The following DNM3 variants were observed in gnomAD, a reference collection of about 807,000 sequenced individuals.
The protein encoded by DNM3 is dynamin 3, also known as dynamin-3.
DNM3 carries 47 observed loss-of-function variants against 101.6 expected under a neutral mutation model. That is an observed-to-expected ratio of 0.46 (90% confidence interval 0.37 to 0.59). The LOEUF is 0.59. Among genes scored for constraint, DNM3 ranks in the 20% least tolerant of loss-of-function variants. The pLI is 0.00. For synonymous variants in DNM3, 385 were observed against 387.9 expected (o/e 0.99, Z 0.09); for missense variants, 849 against 1,085.7 (o/e 0.78, Z 3.06).
chr1:172,036,104 A>G (rs1219104911), intron 6 of DNM3, among the ~76,000 whole-genome samples: 1 of 147,962 alleles, frequency 6.8e-6, no homozygotes. Context: ...TGCTGCACCC[A>G]TTAACTCGTC....
At chr1:172,347,320 A>G (rs938084970) in intron 17 of DNM3, among the ~76,000 whole-genome samples, 2 of 152,216 alleles carry the variant, frequency 1.3e-5, no homozygotes, top group Non-Finnish European at 2.9e-5. Flanking sequence ...GGAAGGACAT[A>G]GGAAATAAAC....
At chr1:172,400,807 T>A (rs933525475) in intron 20 of DNM3, among the ~76,000 whole-genome samples, 4 of 152,170 alleles carry the variant, frequency 2.6e-5, no homozygotes, top group African/African-American at 9.7e-5. Context: ...AACCCTTGAT[T>A]TCTCAAACTT....
intron 14 of DNM3, among the ~76,000 whole-genome samples, chr1:172,245,143 A>T (rs1431214662): frequency 6.6e-6 from 1 of 152,152 alleles, no homozygotes; most frequent in Non-Finnish European, 1.5e-5. Flanking sequence ...ACTAATAAGG[A>T]AATAATTTAT....
At chr1:172,159,537 A>T (rs988021598) in intron 14 of DNM3, among the ~76,000 whole-genome samples, 8 of 152,088 alleles carry the variant, frequency 5.3e-5, no homozygotes, top group African/African-American at 1.9e-4. Flanking sequence ...ATTTTCATGA[A>T]ATCTATCTTA....
chr1:172,119,378 A>C (rs1215549703), intron 13 of DNM3, among the ~76,000 whole-genome samples: 1 of 152,008 alleles, frequency 6.6e-6, no homozygotes, highest in Non-Finnish European at 1.5e-5. Context: ...GTGGCATTTG[A>C]CCTTTGACCT....
At chr1:172,079,296 T>C (rs1484103336) in intron 11 of DNM3, among the ~76,000 whole-genome samples, 1 of 152,192 alleles carries the variant, frequency 6.6e-6, no homozygotes, top group Non-Finnish European at 1.5e-5. Flanking sequence ...GTCCCATATT[T>C]CTTGGAGGCT....
rs755044415 is a variant in DNM3, at chr1:172,005,036, A to C, written c.589+15888A>C. ...AAAACCATAAACATATAAAAATTAC[A>C]TTTTAAAACAGTACAGCCCCCAGTG... is the stretch of plus-strand genomic sequence containing the variant. On this transcript the variant is annotated intron_variant, in intron 4 of 20. Transcript: ENST00000627582. 2.0e-5 allele frequency among the ~76,000 whole-genome samples: 3 copies of C among 152,226 alleles called. No homozygotes were observed. The Middle Eastern group carries it at 0.01, about 518-fold the overall frequency.
intron 14 of DNM3, among the ~76,000 whole-genome samples, chr1:172,187,628 G>A (rs535943686): frequency 2.6e-4 from 40 of 151,996 alleles, no homozygotes; most frequent in Non-Finnish European, 5.3e-4. Context: ...GTGCTCAGGG[G>A]TCCTTAATAT....
intron 17 of DNM3, among the ~76,000 whole-genome samples, chr1:172,347,463 A>G (rs1264143665): frequency 6.6e-6 from 1 of 152,174 alleles, no homozygotes; most frequent in Non-Finnish European, 1.5e-5. Context: ...GGCTTTAAGT[A>G]TGAGAAGAAA....
intron 14 of DNM3, among the ~76,000 whole-genome samples, chr1:172,209,454 A>G (rs1255674708): frequency 6.6e-6 from 1 of 151,996 alleles, no homozygotes; most frequent in African/African-American, 2.4e-5. Context: ...CTTATACTAG[A>G]TATGATTCTG....
intron 1 of DNM3, among the ~76,000 whole-genome samples, chr1:171,843,315 G>A (rs1380780341): frequency 1.3e-5 from 2 of 152,094 alleles, no homozygotes; most frequent in African/African-American, 4.8e-5. Flanking sequence ...TGAAGGTAAA[G>A]CATTTTGCCT....
At chr1:171,900,505 G>C (rs1267270454) in intron 1 of DNM3, among the ~76,000 whole-genome samples, 1 of 152,172 alleles carries the variant, frequency 6.6e-6, no homozygotes, top group Non-Finnish European at 1.5e-5. Context: ...AAGTTTTTCT[G>C]AAAGAAGAAA....
chr1:171,938,012 C>T (rs748101397), intron 2 of DNM3, among the ~76,000 whole-genome samples: 16 of 147,032 alleles, frequency 1.1e-4, no homozygotes, highest in Non-Finnish European at 2.2e-4. Context: ...AGACACCTTT[C>T]CTTCTTCCTT....
intron 14 of DNM3, among the ~76,000 whole-genome samples, chr1:172,183,622 A>G (rs1452697914): frequency 6.6e-6 from 1 of 151,908 alleles, no homozygotes; most frequent in Non-Finnish European, 1.5e-5. Flanking sequence ...ATTTTTTGTG[A>G]TAGGGTCTCA....
At chr1:172,405,890 CTT>C (rs1174370858) in intron 20 of DNM3, among the ~76,000 whole-genome samples, 3 of 144,986 alleles carry the variant, frequency 2.1e-5, no homozygotes, top group African/African-American at 2.5e-5. Flanking sequence ...ACTTTAGCTA[CTT>C]TTTTTTTTTT....
chr1:172,063,752 T>C (rs2051431024), intron 10 of DNM3, among the ~76,000 whole-genome samples: 2 of 135,790 alleles, frequency 1.5e-5, no homozygotes, highest in African/African-American at 5.7e-5. Context: ...CACTCCAGCC[T>C]GGGCAACAGA....
chr1:172,201,427 A>G (rs754235102), intron 14 of DNM3, among the ~76,000 whole-genome samples: 5 of 152,142 alleles, frequency 3.3e-5, no homozygotes, highest in African/African-American at 4.8e-5. Flanking sequence ...AGTAGTGGTC[A>G]TGGTCTAGGG....
At chr1:172,312,289 A>G (rs1008044671) in intron 16 of DNM3, among the ~76,000 whole-genome samples, 1 of 152,212 alleles carries the variant, frequency 6.6e-6, no homozygotes, top group African/African-American at 2.4e-5. Context: ...TGAAACATTT[A>G]TGTGTCATGC....
chr1:172,268,361 C>G (rs2062953085), intron 15 of DNM3, among the ~76,000 whole-genome samples: 1 of 150,436 alleles, frequency 6.6e-6, no homozygotes, highest in Non-Finnish European at 1.5e-5. Flanking sequence ...TGCGTTTGTT[C>G]TTTTCCTTTG....
Sources: gnomAD v4.1 joint callset for allele counts (sites outside exome capture counted in the v4.1 genomes callset) on GRCh38, gnomAD v4.1.1 for gene constraint, MANE v1.5 for transcripts, NCBI Gene and HGNC (gene_info 2026-07-23, HGNC 2026-07-21) for gene names.